MKNK1: variants seen among roughly 807,000 people sequenced by gnomAD.
MKNK1 encodes the protein MAP kinase-interacting serine/threonine-protein kinase 1.
A neutral mutation model predicts 49.3 loss-of-function variants in MKNK1; 30 were observed. The observed-to-expected ratio is 0.61, with a 90% CI of 0.46 to 0.83. The LOEUF (loss-of-function observed/expected upper bound fraction) is 0.83, where lower values mean the gene tolerates loss of function less well. Among genes scored for constraint, MKNK1 ranks in the 40% least tolerant of loss-of-function variants. The pLI, the probability that MKNK1 is intolerant of heterozygous loss-of-function variation, is 0.00. For missense variants in MKNK1, 423 were observed against 524.7 expected (o/e 0.81, Z 1.89); for synonymous variants, 176 against 201.7 (o/e 0.87, Z 1.08).
chr1:46,593,445 A>G (rs1673611715), intron 2 of MKNK1: 1 of 152,176 alleles, frequency 6.6e-6, no homozygotes, highest in Non-Finnish European at 1.5e-5. Context: ...TTGGGGAGGG[A>G]CAGTGTCTAA....
rs778574683 is a variant in MKNK1 at position 46,562,666 on chromosome 1, C to A, written c.787G>T (p.Val263Phe). 9.0e-6 allele frequency: 14 copies of A among 1,554,734 alleles called. No homozygotes were observed. The highest frequency in any genetic ancestry group is 1.4e-5 in the African/African-American group (1 of 73,368). ...GCACTCACCTGGCACACCCTGCAGA[C>A]CTCGCCCCGGTCCCAGCCACAGTCG... The part of the protein sequence containing the change: ...GADCGWDRGE[V>F]CRVCQNKLFE... The change falls in exon 10 of 13, where the codon GTC becomes TTC. Residue 263 changes from valine to phenylalanine, a missense_variant. Physicochemically the swap from Val to Phe is conservative, Grantham distance 50. Transcript: ENST00000371945.
Position 46,603,073 on chromosome 1 carries a change from G to C in MKNK1, c.-171+1112C>G, listed in dbSNP as rs117358318. On this transcript the variant is annotated intron_variant, in intron 1 of 12. Transcript: ENST00000371945. The stretch of plus-strand genomic sequence containing the variant: ...TGGATTACAGAGAGAGAAGTGTTGA[G>C]GTGGGAGCAGATGGGCAGAGGGGGC... 5.3e-3 allele frequency among the ~76,000 whole-genome samples: 811 copies of C among 152,318 alleles called. 7 individuals are homozygous for C. The highest frequency in any genetic ancestry group is 0.031 in the Admixed American group (477 of 15,296).
At position 46,562,722 on chromosome 1, in the gene MKNK1, C is replaced by A. The variant is rs1176282031; in HGVS notation, c.731G>T (p.Gly244Val). ...LGVVLYIMLS[G>V]YPPFVGHCGA... Reference sequence around the variant, plus strand: ...GCAGTGACCCACGAAGGGTGGGTAGCCACTCAGCATGATGTAGAGGACCAC... The same window carrying A: ...GCAGTGACCCACGAAGGGTGGGTAGACACTCAGCATGATGTAGAGGACCAC... The change falls in exon 10 of 13, where the codon GGC becomes GTC. Residue 244 changes from glycine (G) to valine (V), a missense_variant. Gly to Val is a moderately radical substitution (Grantham distance 109, BLOSUM62 -3). Coordinates refer to ENST00000371945, the MANE Select transcript of MKNK1 (RefSeq NM_001135553.4). 3 of 1,594,112 alleles carry A rather than the reference C, an allele frequency of 1.9e-6. No individual in the cohort carries two copies. The highest frequency in any genetic ancestry group is 2.6e-6 in the Non-Finnish European group (3 of 1,169,444).
Position 46,558,620 on chromosome 1 carries a change from G to C in MKNK1, c.1194C>G (p.Ala398=). The C allele has an allele frequency of 1.2e-6, 2 of 1,613,876 alleles. No homozygotes were observed. Among genetic ancestry groups the C allele is most frequent in the Non-Finnish European group, 1.7e-6 (2 of 1,179,920 alleles). Residue 398 remains alanine (A), a synonymous_variant, in exon 13 of 13, where the codon GCC becomes GCG. Transcript: ENST00000371945. ...KSRLARRRAL[A]QAGRGEDRSP... ...TCCTGTCTTCACCACGGCCTGCCTG[G>C]GCCAGGGCCCGTCTCCGGGCCAGGC...
At chr1:46,568,631 A>G in intron 7 of MKNK1, 133 bp from the exon 8 acceptor site, 1 of 848,304 alleles carries the variant, frequency 1.2e-6, no homozygotes, top group Non-Finnish European at 1.9e-6. Context: ...AAAATCAACG[A>G]GCTGCAGGAG....
At chr1:46,582,914 A>C in intron 3 of MKNK1, 1 of 531,268 alleles carries the variant, frequency 1.9e-6, no homozygotes, top group East Asian at 5.0e-5. Context: ...AGCTGAGGGA[A>C]GAATCACATC....
intron 1 of MKNK1, among the ~76,000 whole-genome samples, chr1:46,603,554 G>A (rs1426053448): frequency 6.6e-6 from 1 of 152,168 alleles, no homozygotes; most frequent in Non-Finnish European, 1.5e-5. Context: ...CTCTGGGAGG[G>A]GAAGCAGACT....
rs1263435955 is a variant in MKNK1, at chr1:46,558,775, G to A, written c.1039C>T (p.Leu347Phe). 2 of 1,613,984 alleles carry A rather than the reference G, an allele frequency of 1.2e-6. No individual in the cohort carries two copies. Among genetic ancestry groups the A allele is most frequent in the Non-Finnish European group, 8.5e-7 (1 of 1,180,026 alleles). ...QRNSSTMDLT[L>F]FAAEAIALNR... Reference sequence around the variant, plus strand: ...AGGGCGATGGCCTCAGCTGCGAAGAGCGTCAGGTCCATTGTGCTGCTGTTC... The same window carrying A: ...AGGGCGATGGCCTCAGCTGCGAAGAACGTCAGGTCCATTGTGCTGCTGTTC... Residue 347 changes from leucine to phenylalanine, a missense_variant, in exon 13 of 13, where the codon CTC (leucine) becomes TTC (phenylalanine). Leu to Phe is a conservative substitution (Grantham distance 22, BLOSUM62 0). Coordinates refer to ENST00000371945, the MANE Select transcript of MKNK1 (RefSeq NM_001135553.4).
chr1:46,571,359 CAG>C, intron 7 of MKNK1: 1 of 259,672 alleles, frequency 3.9e-6, no homozygotes, highest in Non-Finnish European at 7.7e-6. Context: ...GCCTGGGCAA[CAG>C]AGGGAGACCC....
chr1:46,590,075 T>G (rs771908653), intron 2 of MKNK1, among the ~76,000 whole-genome samples: 2 of 152,176 alleles, frequency 1.3e-5, no homozygotes, highest in Non-Finnish European at 2.9e-5. Flanking sequence ...AAGAGCTTTC[T>G]TGAGAAGAAA....
At chr1:46,601,211 G>A (rs1570354328) in intron 1 of MKNK1, among the ~76,000 whole-genome samples, 1 of 152,082 alleles carries the variant, frequency 6.6e-6, no homozygotes, top group African/African-American at 2.4e-5. Flanking sequence ...GCCACACACC[G>A]GCCTCCTTGT....
chr1:46,571,959 G>T, intron 7 of MKNK1, 104 bp downstream of exon 7: 1 of 1,037,570 alleles, frequency 9.6e-7, no homozygotes, highest in Non-Finnish European at 1.5e-6. Context: ...CTGCCTTCCA[G>T]CCACACCATC....
At chr1:46,578,942 A>G (rs766495817) in intron 4 of MKNK1, among the ~76,000 whole-genome samples, 14 of 152,016 alleles carry the variant, frequency 9.2e-5, no homozygotes, top group Non-Finnish European at 2.1e-4. Context: ...TTTAGTAGAG[A>G]TGGGTTTCAC....
At chr1:46,565,258 C>A in intron 8 of MKNK1, 122 bp from the exon 9 acceptor site, 1 of 830,782 alleles carries the variant, frequency 1.2e-6, no homozygotes, top group African/African-American at 1.7e-5. Flanking sequence ...TTTGTCAGGT[C>A]ATGTTTGCTC....
chr1:46,558,766 C>T lies in MKNK1; in HGVS notation c.1048G>A (p.Ala350Thr), dbSNP rs1251099158. Residue 350 changes from alanine (A) to threonine (T), a missense_variant, in exon 13 of 13, where the codon GCT becomes ACT. Ala to Thr is a moderately conservative substitution (Grantham distance 58). Transcript: ENST00000371945. Reference protein sequence around the residue: ...SSTMDLTLFAAEAIALNRQLS... With the variant: ...SSTMDLTLFATEAIALNRQLS... ...TGGCGGTTAAGGGCGATGGCCTCAGCTGCGAAGAGCGTCAGGTCCATTGTG... is the reference window on the plus strand; with the variant it reads ...TGGCGGTTAAGGGCGATGGCCTCAGTTGCGAAGAGCGTCAGGTCCATTGTG... The T allele has an allele frequency of 6.2e-7, 1 of 1,614,154 alleles. No homozygotes were observed. Among genetic ancestry groups the T allele is most frequent in the East Asian group, 2.2e-5 (1 of 44,890 alleles).
At chr1:46,580,291 C>T (rs373471529) in intron 4 of MKNK1, 2 of 478,436 alleles carry the variant, frequency 4.2e-6, no homozygotes, top group East Asian at 7.5e-5. Context: ...TTATTTAATC[C>T]TCACAACAAT....
At position 46,583,072 on chromosome 1, in the gene MKNK1, TAA is replaced by T. The variant is rs1671982279; in HGVS notation, c.100+154_100+155del. The T allele has an allele frequency of 2.9e-5, 21 of 717,686 alleles. No homozygotes were observed. In the South Asian group the frequency reaches 3.2e-4, roughly 11 times the overall value. 44.5% of individuals were successfully genotyped at this position (717,686 alleles called of 1,614,324 possible). ...TGCTCTCTTTCTGTAATGCCCTGTG[TAA>T]ACTCCCTCATCCCCATCTTATCTCC... On this transcript the variant is annotated intron_variant, in intron 3 of 12. Transcript: ENST00000371945.
chr1:46,564,597 C>T (rs1024092684), intron 9 of MKNK1, among the ~76,000 whole-genome samples: 15 of 149,204 alleles, frequency 1.0e-4, no homozygotes, highest in African/African-American at 3.7e-4. Flanking sequence ...CTGCCTCAGC[C>T]TCCCAAGTAG....
chr1:46,594,955 C>G (rs946909050), intron 1 of MKNK1: 1 of 274,036 alleles, frequency 3.6e-6, no homozygotes, highest in South Asian at 2.8e-5. Flanking sequence ...CCACTGCACT[C>G]CAACCTGGGT....
Sources: gnomAD v4.1 joint callset for allele counts (sites outside exome capture counted in the v4.1 genomes callset) on GRCh38, gnomAD v4.1.1 for gene constraint, MANE v1.5 for transcripts, NCBI Gene and HGNC (gene_info 2026-07-23, HGNC 2026-07-21) for gene names.